The following ZNF777 variants were observed in gnomAD, a reference collection of about 807,000 sequenced individuals.
ZNF777 encodes the protein zinc finger protein 777.
Under a neutral mutation model 72.1 loss-of-function variants are expected in ZNF777, and 7 were observed. The observed-to-expected ratio is 0.10, with a 90% CI of 0.06 to 0.18. ZNF777 has a LOEUF of 0.18. ZNF777 is among the 10% of genes least tolerant of loss of function. The probability of loss-of-function intolerance (pLI) is 1.00; values close to 1 mark genes in which losing one functional copy is unlikely to be tolerated. For missense variants in ZNF777, 828 were observed against 1,128.6 expected, an observed-to-expected ratio of 0.73 and a Z score of 3.82; for synonymous variants, 545 against 483.5, an observed-to-expected ratio of 1.13 and a Z score of -1.67.
intron 1 of ZNF777, chr7:149,459,523 G>A (rs956715813): frequency 1.0e-5 from 6 of 583,098 alleles, no homozygotes; most frequent in Admixed American, 6.3e-5. Context: ...CCCCCGACGG[G>A]CCGCGTCCGC....
chr7:149,455,039 T>C lies in ZNF777; in HGVS notation c.846+138A>G. 1 of 1,074,356 alleles carries C rather than the reference T, an allele frequency of 9.3e-7. No individual in the cohort carries two copies. Among genetic ancestry groups the C allele is most frequent in the South Asian group, 1.6e-5 (1 of 63,974 alleles). The allele number at this position is 1,074,356 out of a possible 1,614,324, so 66.6% of individuals were successfully genotyped here. A position where few individuals can be genotyped will look rare whatever the true frequency, so the allele number is the denominator to read the frequency against. Reference sequence around the variant, plus strand: ...TCATCAACAGGAGAAATAATTTGATTTTGGCATGTCCTAGCAACTGGGATC... The same window carrying C: ...TCATCAACAGGAGAAATAATTTGATCTTGGCATGTCCTAGCAACTGGGATC... On this transcript the variant is annotated intron_variant, in intron 2 of 5. Transcript: ENST00000247930. This position sits in a 1 kb window ranked among gnomAD's most constrained non-coding sequence, Gnocchi z 4.2.
chr7:149,442,617 CT>C (rs1799541588), intron 4 of ZNF777, among the ~76,000 whole-genome samples: 1 of 144,298 alleles, frequency 6.9e-6, no homozygotes, highest in African/African-American at 2.6e-5. Context: ...GAGACTCTGT[CT>C]AAAAAAAAAA....
chr7:149,432,685 G>A lies in ZNF777; in HGVS notation c.1587C>T (p.Asn529=), dbSNP rs770632640. ...GCTGCTGCTGGCTCGAGGCCCCGCG[G>A]TTCTCGCTCAGGTGCCGCTCACCGT... is the stretch of plus-strand genomic sequence containing the variant. ...SVHGERHLSE[N]RGASSQQQRN... The change falls in exon 6 of 6, where the codon AAC becomes AAT. Residue 529 remains asparagine, a synonymous_variant. Coordinates refer to ENST00000247930, the MANE Select transcript of ZNF777 (RefSeq NM_015694.3). The A allele has an allele frequency of 3.1e-6, 5 of 1,613,036 alleles. No homozygotes were observed. The South Asian group carries it at 5.5e-5, about 18-fold the overall frequency.
At chr7:149,459,954 C>T (rs1043689702) in intron 1 of ZNF777, 3 of 936,900 alleles carry the variant, frequency 3.2e-6, no homozygotes, top group African/African-American at 3.6e-5. Context: ...CCCCCACCGC[C>T]CGGGTCAAGA....
rs1799408052 is a variant in ZNF777, at chr7:149,436,197, T to C, written c.1339+378A>G. ...CTCTCCAGGGCTGAAATCTTCAAGG[T>C]AGTTGAGGCTTCTAGGGTGATATGA... is the stretch of plus-strand genomic sequence containing the variant. On this transcript the variant is annotated intron_variant, in intron 5 of 5. Transcript: ENST00000247930. This position sits in a 1 kb window ranked among gnomAD's most constrained non-coding sequence, Gnocchi z 5.0. Among the ~76,000 whole-genome samples the C allele has an allele frequency of 6.6e-6, 1 of 152,196 alleles. No individual in the cohort carries two copies. Among genetic ancestry groups the C allele is most frequent in the South Asian group, 2.1e-4 (1 of 4,830 alleles).
intron 1 of ZNF777, among the ~76,000 whole-genome samples, chr7:149,459,054 A>G (rs1799889593): frequency 6.6e-6 from 1 of 152,208 alleles, no homozygotes; most frequent in Admixed American, 6.5e-5. Context: ...ACCCAGCATT[A>G]TATACCATTC....
At chr7:149,447,523 C>T (rs1799626662) in intron 4 of ZNF777, among the ~76,000 whole-genome samples, 2 of 152,170 alleles carry the variant, frequency 1.3e-5, no homozygotes, top group African/African-American at 2.4e-5. Flanking sequence ...CCCAGCCCTC[C>T]TATTCAACAC....
intron 4 of ZNF777, among the ~76,000 whole-genome samples, chr7:149,443,103 C>T (rs1799551668): frequency 6.6e-6 from 1 of 152,130 alleles, no homozygotes; most frequent in African/African-American, 2.4e-5. Flanking sequence ...TTATAATAAT[C>T]TTTACTGAGG....
In ZNF777 at chr7:149,432,402, G is replaced by T; in HGVS notation, c.1870C>A (p.Pro624Thr). 6.2e-7 allele frequency: 1 copy of T among 1,613,516 alleles called. No homozygotes were observed. Among genetic ancestry groups the T allele is most frequent in the Non-Finnish European group, 8.5e-7 (1 of 1,179,974 alleles). The change falls in exon 6 of 6, where the codon CCC becomes ACC. Residue 624 changes from proline (P) to threonine (T), a missense_variant. Physicochemically the swap from Pro to Thr is conservative, Grantham distance 38. Coordinates refer to ENST00000247930, the MANE Select transcript of ZNF777 (RefSeq NM_015694.3). ...KHALKPRPKS[P>T]SSGSGGGGPK... is the part of the protein sequence containing the mutation. ...CCACCGCCGCCGCTACCAGAGCTGG[G>T]TGACTTGGGACGCGGCTTGAGCGCG...
At chr7:149,449,463 G>T (rs1799675698) in intron 4 of ZNF777, among the ~76,000 whole-genome samples, 1 of 152,214 alleles carries the variant, frequency 6.6e-6, no homozygotes, top group South Asian at 2.1e-4. Context: ...AGAGAAAGGG[G>T]ATCCATGCTC....
rs369903619 is a variant in ZNF777, at chr7:149,432,304, G to T, written c.1968C>A (p.Ile656=). The part of the protein sequence containing the change: ...SHKSSLTKHQ[I]THTGERPYTC... ...TGTAGGGCCGCTCACCCGTGTGCGT[G>T]ATCTGGTGTTTGGTCAGGCTGGACT... The change falls in exon 6 of 6, where the codon ATC becomes ATA. Residue 656 remains isoleucine (I), a synonymous_variant. Coordinates refer to ENST00000247930, the MANE Select transcript of ZNF777 (RefSeq NM_015694.3). 3 of 1,609,978 alleles carry T rather than the reference G, an allele frequency of 1.9e-6. No individual in the cohort carries two copies. The highest frequency in any genetic ancestry group is 1.3e-5 in the African/African-American group (1 of 74,866).
Position 149,452,048 on chromosome 7 carries a change from A to G in ZNF777, c.974-936T>C, listed in dbSNP as rs200965617. On this transcript the variant is annotated intron_variant, in intron 3 of 5. Transcript: ENST00000247930. ...TGGGAGGCCGAGGCGGGCGGATCACAAGGTCAGGAGATCGAGACCATCCTG... is the reference window on the plus strand; with the variant it reads ...TGGGAGGCCGAGGCGGGCGGATCACGAGGTCAGGAGATCGAGACCATCCTG... Among the ~76,000 whole-genome samples, 152 of 151,976 alleles carry G rather than the reference A, an allele frequency of 1.0e-3. No individual in the cohort carries two copies. The East Asian group carries it at 0.011, about 11-fold the overall frequency.
intron 4 of ZNF777, among the ~76,000 whole-genome samples, chr7:149,437,903 G>A (rs1007864356): frequency 3.7e-4 from 53 of 144,104 alleles, no homozygotes; most frequent in African/African-American, 1.2e-3. Context: ...TTTTTTAGAC[G>A]GAGTCTCGCT....
At chr7:149,457,854 C>T (rs1799862529) in intron 1 of ZNF777, among the ~76,000 whole-genome samples, 1 of 152,206 alleles carries the variant, frequency 6.6e-6, no homozygotes, top group Non-Finnish European at 1.5e-5. Context: ...ACTAGAGTTA[C>T]TATCCATACT....
At chr7:149,459,966 G>A (rs1310191517) in intron 1 of ZNF777, 1 of 930,440 alleles carries the variant, frequency 1.1e-6, no homozygotes, top group African/African-American at 1.8e-5. Context: ...GGGTCAAGAC[G>A]CGCGGGCCCC....
At chr7:149,458,890 A>G (rs1289627095) in intron 1 of ZNF777, among the ~76,000 whole-genome samples, 1 of 152,222 alleles carries the variant, frequency 6.6e-6, no homozygotes, top group Non-Finnish European at 1.5e-5. Flanking sequence ...CTTCTGAACC[A>G]TATTTGTAGG....
At position 149,460,022 on chromosome 7, in the gene ZNF777, C is replaced by T. The variant is rs1317072567; in HGVS notation, c.-16+793G>A. The T allele has an allele frequency of 1.2e-5, 12 of 979,218 alleles. No homozygotes were observed. The highest frequency in any genetic ancestry group is 6.2e-5 in the Admixed American group (1 of 16,058). 60.7% of individuals were successfully genotyped at this position (979,218 alleles called of 1,614,324 possible). On this transcript the variant is annotated intron_variant, in intron 1 of 5. Coordinates refer to ENST00000247930, the MANE Select transcript of ZNF777 (RefSeq NM_015694.3). This position sits in a 1 kb window ranked among gnomAD's most constrained non-coding sequence, Gnocchi z 6.1. ...CCGCGCCAACGTCGTAGCGTTTCTG[C>T]CCCTTACCGAGATCCCAGGCCGGGC...
rs1384815001 is a variant in ZNF777 at position 149,432,886 on chromosome 7, CTCT to C, written c.1383_1385del (p.Glu465del). ...GCTGCGGCAGCTCATCCTCCTCCTCCTCTTCTTCCTCCTCGTCTTGTTCCTCTG... is the reference window on the plus strand; with the variant it reads ...GCTGCGGCAGCTCATCCTCCTCCTCCTCTTCCTCCTCGTCTTGTTCCTCTG... On this transcript the variant is annotated inframe_deletion, in exon 6 of 6. Transcript: ENST00000247930. 11 of 1,536,828 alleles carry C rather than the reference CTCT, an allele frequency of 7.2e-6. No individual in the cohort carries two copies. Among genetic ancestry groups the C allele is most frequent in the Middle Eastern group, 1.7e-4 (1 of 5,770 alleles).
chr7:149,459,800 G>C (rs1799910088), intron 1 of ZNF777: 1 of 984,818 alleles, frequency 1.0e-6, no homozygotes, highest in Admixed American at 6.2e-5. Flanking sequence ...CGGAAAACGT[G>C]CCGGCGGCTA....
Sources: gnomAD v4.1 joint callset for allele counts (sites outside exome capture counted in the v4.1 genomes callset) on GRCh38, gnomAD v4.1.1 for gene constraint, Gnocchi (gnomAD v3.1) non-coding constraint, MANE v1.5 for transcripts, NCBI Gene and HGNC (gene_info 2026-07-23, HGNC 2026-07-21) for gene names.